CPNE2: variants seen among roughly 807,000 people sequenced by gnomAD.
CPNE2 encodes the protein copine-2.
Under a neutral mutation model 69.7 loss-of-function variants are expected in CPNE2, and 42 were observed. The ratio of observed to expected loss-of-function variants is 0.60; its 90% CI spans 0.47 to 0.78. The LOEUF is 0.78. CPNE2 is among the 30% of genes least tolerant of loss of function. The pLI, the probability that CPNE2 is intolerant of heterozygous loss-of-function variation, is 0.00. For missense variants in CPNE2, 587 were observed against 732.0 expected (o/e 0.80, Z 2.29); for synonymous variants, 294 against 289.8 (o/e 1.01, Z -0.15).
intron 14 of CPNE2, chr16:57,143,335 T>C (rs1567328954): frequency 6.6e-6 from 1 of 152,336 alleles, no homozygotes; most frequent in African/African-American, 2.4e-5. Flanking sequence ...GATTGGCACA[T>C]AGGGGTGCGG....
intron 14 of CPNE2, among the ~76,000 whole-genome samples, chr16:57,137,685 C>T (rs1459010610): frequency 6.6e-6 from 1 of 152,186 alleles, no homozygotes; most frequent in East Asian, 1.9e-4. Context: ...ACTGTCTGGC[C>T]CTGGCCCTAC....
rs1244429415 is a variant in CPNE2 at position 57,130,274 on chromosome 16, G to T, written c.1116+2371G>T. The stretch of plus-strand genomic sequence containing the variant: ...GGAGTCTGTAATCCCAGCTACTCGG[G>T]AGGCTGAGGCAGGAAGATCCCTGGA... On this transcript the variant is annotated intron_variant, in intron 12 of 15. Coordinates refer to ENST00000290776, the MANE Select transcript of CPNE2 (RefSeq NM_152727.6). This position sits in a 1 kb window ranked among gnomAD's most constrained non-coding sequence, Gnocchi z 4.1. 6.6e-6 allele frequency among the ~76,000 whole-genome samples: 1 copy of T among 151,998 alleles called. No individual in the cohort carries two copies. Among genetic ancestry groups the T allele is most frequent in the Non-Finnish European group, 1.5e-5 (1 of 68,006 alleles).
chr16:57,146,343 G>C lies in CPNE2; in HGVS notation c.1539+22G>C. 1 of 1,528,816 alleles carries C rather than the reference G, an allele frequency of 6.5e-7. No homozygotes were observed. Among genetic ancestry groups the C allele is most frequent in the Non-Finnish European group, 8.8e-7 (1 of 1,131,076 alleles). 94.7% of individuals were successfully genotyped at this position (1,528,816 alleles called of 1,614,324 possible). ...CAACGTGAGTGTGGGCCTGGGCTGG[G>C]AGGGGGCGGTTACAGGATCCCAGCC... On this transcript the variant is annotated intron_variant, in intron 15 of 15. Transcript: ENST00000290776. The surrounding 1 kb of genome is among the most constrained non-coding windows in gnomAD (Gnocchi z 4.4).
intron 10 of CPNE2, chr16:57,124,586 T>A (rs1190528329): frequency 3.0e-6 from 1 of 335,786 alleles, no homozygotes; most frequent in African/African-American, 2.2e-5. Context: ...AAGAATGAAC[T>A]GCCACCTTGC....
At position 57,110,774 on chromosome 16, in the gene CPNE2, C is replaced by T. The variant is rs1419846415; in HGVS notation, c.32C>T (p.Ala11Val). The T allele has an allele frequency of 3.1e-6, 5 of 1,612,862 alleles. No homozygotes were observed. The highest frequency in any genetic ancestry group is 1.3e-5 in the African/African-American group (1 of 74,992). The change falls in exon 2 of 16, where the codon GCA (alanine) becomes GTA (valine). Residue 11 changes from alanine (A) to valine (V), a missense_variant. By Grantham distance (64) the Ala-to-Val change is moderately conservative (BLOSUM62 0). Around this residue, in one of 5 missense-constraint regions of CPNE2, gnomAD observed 96 missense variants for 94.9 expected, o/e 1.01. Coordinates refer to ENST00000290776, the MANE Select transcript of CPNE2 (RefSeq NM_152727.6). MAHIPSGGAP[A>V]AGAAPMGPQY... The stretch of plus-strand genomic sequence containing the variant: ...CACATACCCAGTGGGGGTGCCCCAG[C>T]AGCGGGGGCAGCCCCCATGGGCCCC...
intron 12 of CPNE2, among the ~76,000 whole-genome samples, chr16:57,132,275 G>A (rs1001895422): frequency 8.5e-5 from 13 of 152,312 alleles, no homozygotes; most frequent in East Asian, 3.9e-4. Flanking sequence ...CTCAGGACGC[G>A]TTTCCCTTTG....
chr16:57,138,862 G>A (rs2145280477), intron 14 of CPNE2, among the ~76,000 whole-genome samples: 1 of 152,344 alleles, frequency 6.6e-6, no homozygotes, highest in South Asian at 2.1e-4. Flanking sequence ...CAGGGAAAGG[G>A]ACCTGGTCCC....
intron 13 of CPNE2, among the ~76,000 whole-genome samples, chr16:57,136,421 G>C (rs1435184850): frequency 2.0e-5 from 3 of 152,216 alleles, no homozygotes; most frequent in Non-Finnish European, 4.4e-5. Flanking sequence ...AGAAGCCATA[G>C]CATGTCCAGA....
At chr16:57,109,820 G>A (rs1332681080) in intron 1 of CPNE2, among the ~76,000 whole-genome samples, 2 of 152,134 alleles carry the variant, frequency 1.3e-5, no homozygotes, top group Non-Finnish European at 2.9e-5. Context: ...ATCTCATCCT[G>A]TGACCCAGAA....
intron 13 of CPNE2, among the ~76,000 whole-genome samples, chr16:57,136,517 C>G (rs1463887109): frequency 6.6e-6 from 1 of 152,218 alleles, no homozygotes; most frequent in African/African-American, 2.4e-5. Flanking sequence ...TGAGAGACCC[C>G]CCTCCTGCCA....
chr16:57,136,020 G>A (rs1347671474), intron 13 of CPNE2, among the ~76,000 whole-genome samples: 1 of 144,782 alleles, frequency 6.9e-6, no homozygotes, highest in Non-Finnish European at 1.5e-5. Context: ...GGAAGGGAGG[G>A]AGGAGGGGAG....
At chr16:57,141,287 G>A (rs1395022404) in intron 14 of CPNE2, 1 of 152,332 alleles carries the variant, frequency 6.6e-6, no homozygotes, top group African/African-American at 2.4e-5. Flanking sequence ...GAGCTCCCCA[G>A]AGGGAAGAAG....
intron 11 of CPNE2, 137 bp downstream of exon 11, chr16:57,126,130 C>G: frequency 9.1e-7 from 1 of 1,101,054 alleles, no homozygotes; most frequent in Non-Finnish European, 1.3e-6. Context: ...CAGTTATTAC[C>G]CATTCCCATA....
At chr16:57,094,980 A>G (rs992870439) in intron 1 of CPNE2, among the ~76,000 whole-genome samples, 7 of 152,170 alleles carry the variant, frequency 4.6e-5, no homozygotes, top group African/African-American at 1.7e-4. Flanking sequence ...TCCCGATCTG[A>G]GAAGCCCTCA....
chr16:57,134,663 G>T, intron 12 of CPNE2, 112 bp from the exon 13 acceptor site: 12 of 1,092,054 alleles, frequency 1.1e-5, no homozygotes, highest in Non-Finnish European at 1.7e-5. Context: ...GGGTAGGGGT[G>T]GGGGTTATGA....
In CPNE2 at chr16:57,145,937, G is replaced by A. The variant is rs1466960357; in HGVS notation, c.1303-148G>A. The A allele has an allele frequency of 2.1e-5, 14 of 670,890 alleles. 1 individual carries two copies. The highest frequency in any genetic ancestry group is 1.9e-4 in the South Asian group (11 of 57,040). 41.6% of individuals were successfully genotyped at this position (670,890 alleles called of 1,614,324 possible). On this transcript the variant is annotated intron_variant, in intron 14 of 15. Coordinates refer to ENST00000290776, the MANE Select transcript of CPNE2 (RefSeq NM_152727.6). ...AGGGGTGGGGTGCTGAGAGCAGGAC[G>A]CATAGTGAGTTGTCTGGGACTTGGC...
At chr16:57,122,797 C>T (rs143160729) in intron 9 of CPNE2, among the ~76,000 whole-genome samples, 4,544 of 151,896 alleles carry the variant, frequency 0.03, 122 homozygotes, top group Non-Finnish European at 0.044. Context: ...TTCATTATGT[C>T]GACCAGGCTG....
chr16:57,121,320 A>G, intron 8 of CPNE2, 129 bp downstream of exon 8: 1 of 715,850 alleles, frequency 1.4e-6, no homozygotes, highest in Non-Finnish European at 2.3e-6. Flanking sequence ...CAAGGCATTC[A>G]ATCTAAGACT....
intron 9 of CPNE2, among the ~76,000 whole-genome samples, chr16:57,122,887 C>G (rs190935879): frequency 1.2e-3 from 176 of 149,442 alleles, no homozygotes; most frequent in African/African-American, 4.0e-3. Flanking sequence ...GCCACTATAC[C>G]TGGCCTGTTT....
Sources: gnomAD v4.1 joint callset for allele counts (sites outside exome capture counted in the v4.1 genomes callset) on GRCh38, gnomAD v4.1.1 for gene constraint, gnomAD v4.1.1 regional missense constraint, Gnocchi (gnomAD v3.1) non-coding constraint, MANE v1.5 for transcripts, NCBI Gene and HGNC (gene_info 2026-07-23, HGNC 2026-07-21) for gene names.